KCNH4: variants seen among roughly 807,000 people sequenced by gnomAD.
KCNH4 encodes the protein voltage-gated delayed rectifier potassium channel KCNH4.
Under a neutral mutation model 90.7 loss-of-function variants are expected in KCNH4, and 33 were observed. That is an observed-to-expected ratio of 0.36 (90% CI 0.28 to 0.49). The LOEUF (loss-of-function observed/expected upper bound fraction) is 0.49. Among genes scored for constraint, KCNH4 ranks in the 20% least tolerant of loss-of-function variants. The probability of loss-of-function intolerance (pLI) is 0.98; values close to 1 mark genes in which losing one functional copy is unlikely to be tolerated. For synonymous variants in KCNH4, 551 were observed against 581.7 expected, an observed-to-expected ratio of 0.95 and a Z score of 0.76; for missense variants, 1,044 against 1,387.1, an observed-to-expected ratio of 0.75 and a Z score of 3.93.
chr17:42,163,999 C>T lies in KCNH4; in HGVS notation c.2125-41G>A. ...GCAGCTGATGTCGCAGGACAGTGAACAACAGACCCCTTCATTAAGTAAGAG... is the reference window on the plus strand; with the variant it reads ...GCAGCTGATGTCGCAGGACAGTGAATAACAGACCCCTTCATTAAGTAAGAG... On this transcript the variant is annotated intron_variant, in intron 12 of 16. Transcript: ENST00000264661. This position sits in a 1 kb window ranked among gnomAD's most constrained non-coding sequence, Gnocchi z 5.4. 1.3e-6 allele frequency: 2 copies of T among 1,502,068 alleles called. No homozygotes were observed. Among genetic ancestry groups the T allele is most frequent in the Non-Finnish European group, 1.8e-6 (2 of 1,118,378 alleles). The allele number at this position is 1,502,068 out of a possible 1,614,324, so 93.0% of individuals were successfully genotyped here.
chr17:42,163,746 G>A lies in KCNH4; in HGVS notation c.2337C>T (p.Ser779=), dbSNP rs757979156. 2 of 1,558,712 alleles carry A rather than the reference G, an allele frequency of 1.3e-6. No individual in the cohort carries two copies. The highest frequency in any genetic ancestry group is 1.4e-5 in the African/African-American group (1 of 72,986). ...FSALVSSPSL[S]PSLSPALAGQ... is the part of the protein sequence containing the mutation. ...CAGCCAGGGCAGGGGACAGGGATGG[G>A]GATAAGGAAGGAGAGGAGACAAGGG... The change falls in exon 13 of 17, where the codon TCC becomes TCT. Residue 779 remains serine (S), a synonymous_variant. Coordinates refer to ENST00000264661, the MANE Select transcript of KCNH4 (RefSeq NM_012285.3). The surrounding 1 kb of genome is among the most constrained non-coding windows in gnomAD (Gnocchi z 5.4).
At position 42,180,858 on chromosome 17, in the gene KCNH4, C is replaced by T; in HGVS notation, c.76+12G>A. On this transcript the variant is annotated intron_variant, in intron 1 of 16. Coordinates refer to ENST00000264661, the MANE Select transcript of KCNH4 (RefSeq NM_012285.3). This position sits in a 1 kb window ranked among gnomAD's most constrained non-coding sequence, Gnocchi z 4.7. Reference sequence around the variant, plus strand: ...AGCTCGAACCTCAAGCCCCGACCTCCGTCCCACTCACGCGTTCCGTCAAAA... The same window carrying T: ...AGCTCGAACCTCAAGCCCCGACCTCTGTCCCACTCACGCGTTCCGTCAAAA... 1 of 1,613,672 alleles carries T rather than the reference C, an allele frequency of 6.2e-7. No individual in the cohort carries two copies. Among genetic ancestry groups the T allele is most frequent in the Non-Finnish European group, 8.5e-7 (1 of 1,179,674 alleles).
At chr17:42,158,651 T>G (rs1276109518) in intron 16 of KCNH4, among the ~76,000 whole-genome samples, 1 of 150,370 alleles carries the variant, frequency 6.7e-6, no homozygotes, top group Non-Finnish European at 1.5e-5. Flanking sequence ...CTGGCTAACA[T>G]GGTGAAACCC....
At chr17:42,174,119 G>A (rs915354688) in intron 6 of KCNH4, among the ~76,000 whole-genome samples, 4 of 152,040 alleles carry the variant, frequency 2.6e-5, no homozygotes, top group Non-Finnish European at 4.4e-5. Context: ...CAGCACACCC[G>A]GCTAATTTTT....
In KCNH4 at chr17:42,162,310, T is replaced by C. The variant is rs755106535; in HGVS notation, c.2596A>G (p.Ser866Gly). Residue 866 changes from serine (S) to glycine (G), a missense_variant, in exon 15 of 17, where the codon AGC becomes GGC. Ser to Gly is a moderately conservative substitution (Grantham distance 56). Around this residue, in one of 4 missense-constraint regions of KCNH4, gnomAD observed 441 missense variants for 512.3 expected, o/e 0.86. Coordinates refer to ENST00000264661, the MANE Select transcript of KCNH4 (RefSeq NM_012285.3). ...TCAGCCTCACTGGCCAATTCTGGGC[T>C]GGGCCTGGTCCCTGCAGGGTGAAGG... is the stretch of plus-strand genomic sequence containing the variant. ...SQAPPTGTRP[S>G]PELASEAEEV... 9.3e-6 allele frequency: 15 copies of C among 1,613,948 alleles called. No individual in the cohort carries two copies. The highest frequency in any genetic ancestry group is 1.3e-5 in the Non-Finnish European group (15 of 1,179,908).
rs1294168018 is a variant in KCNH4 at position 42,165,766 on chromosome 17, G to A, written c.1841-73C>T. 4.5e-6 allele frequency: 7 copies of A among 1,562,330 alleles called. No individual in the cohort carries two copies. The Admixed American group carries it at 1.0e-4, about 23-fold the overall frequency. ...GGATATCAGCTGGAGGTGCTCAGTG[G>A]ATTTGAGGGGTGGTCAGTGTGTTTG... On this transcript the variant is annotated intron_variant, in intron 10 of 16. Coordinates refer to ENST00000264661, the MANE Select transcript of KCNH4 (RefSeq NM_012285.3).
chr17:42,161,241 T>C (rs2079746574), intron 15 of KCNH4, among the ~76,000 whole-genome samples: 5 of 152,216 alleles, frequency 3.3e-5, no homozygotes, highest in Admixed American at 2.6e-4. Context: ...CAGGTAGTTC[T>C]GACAGATACT....
intron 11 of KCNH4, 43 bp from the exon 12 acceptor site, chr17:42,164,211 G>T (rs763388522): frequency 7.3e-6 from 11 of 1,506,094 alleles, no homozygotes; most frequent in South Asian, 1.3e-5. Context: ...CTGCCTTCCC[G>T]CGGCCATAGC....
chr17:42,163,388 C>A lies in KCNH4; in HGVS notation c.2478-54G>T. On this transcript the variant is annotated intron_variant, in intron 13 of 16. Coordinates refer to ENST00000264661, the MANE Select transcript of KCNH4 (RefSeq NM_012285.3). The surrounding 1 kb of genome is among the most constrained non-coding windows in gnomAD (Gnocchi z 5.4). ...CATGGGGTGAGGGTAAGGGCCAGAG[C>A]AGAGCAGACAGAGGGGGACTGGGGG... 2 of 1,286,972 alleles carry A rather than the reference C, an allele frequency of 1.6e-6. No individual in the cohort carries two copies. Among genetic ancestry groups the A allele is most frequent in the Non-Finnish European group, 2.2e-6 (2 of 893,882 alleles). 79.7% of individuals were successfully genotyped at this position (1,286,972 alleles called of 1,614,324 possible).
intron 14 of KCNH4, among the ~76,000 whole-genome samples, chr17:42,162,909 C>T (rs2079758891): frequency 6.6e-6 from 1 of 152,080 alleles, no homozygotes. Context: ...CTGTTTTGCT[C>T]CACTCTTCAA....
intron 6 of KCNH4, among the ~76,000 whole-genome samples, chr17:42,174,471 C>A (rs1367069644): frequency 6.6e-6 from 1 of 152,136 alleles, no homozygotes; most frequent in Admixed American, 6.5e-5. Context: ...GGGAGATCTG[C>A]TCAGAATGGT....
chr17:42,173,968 C>T (rs2079845372), intron 6 of KCNH4, among the ~76,000 whole-genome samples: 1 of 151,822 alleles, frequency 6.6e-6, no homozygotes, highest in Admixed American at 6.6e-5. Context: ...TCCCAAAGTG[C>T]TGGGATTACA....
intron 16 of KCNH4, among the ~76,000 whole-genome samples, chr17:42,159,197 T>C (rs2079728584): frequency 6.6e-6 from 1 of 151,992 alleles, no homozygotes; most frequent in Non-Finnish European, 1.5e-5. Context: ...CCGGCTAATT[T>C]TGTATTTTTA....
At position 42,178,802 on chromosome 17, in the gene KCNH4, G is replaced by A. The variant is rs1018292209; in HGVS notation, c.301C>T (p.Arg101Cys). 2.5e-6 allele frequency: 4 copies of A among 1,612,808 alleles called. No homozygotes were observed. Among genetic ancestry groups the A allele is most frequent in the Non-Finnish European group, 3.4e-6 (4 of 1,179,586 alleles). The change falls in exon 2 of 17, where the codon CGC (arginine) becomes TGC (cysteine). Residue 101 changes from arginine (R) to cysteine (C), a missense_variant. Around this residue, in one of 4 missense-constraint regions of KCNH4, gnomAD observed 283 missense variants for 378.6 expected, o/e 0.75. Transcript: ENST00000264661. ...QEHRAEICFY[R>C]KDGSAFWCLL... ...GGGTGAGCCCCCTCACCATCCTTGC[G>A]GTAGAAGCAGATTTCAGCCCGGTGC... is the stretch of plus-strand genomic sequence containing the variant.
Position 42,176,277 on chromosome 17 carries a change from T to A in KCNH4, c.606A>T (p.Pro202=). 1.2e-6 allele frequency: 2 copies of A among 1,606,026 alleles called. No homozygotes were observed. Among genetic ancestry groups the A allele is most frequent in the Non-Finnish European group, 1.7e-6 (2 of 1,176,988 alleles). The change falls in exon 5 of 17, where the codon CCA becomes CCT. Residue 202 remains proline (P), a synonymous_variant. Transcript: ENST00000264661. ...KANNNVFEPK[P]SVPEYKVASV... is the part of the protein sequence containing the mutation. ...AGGCCACCTTGTACTCGGGCACTGA[T>A]GGCTTTGGCTCAAACACGTTCTAAG...
intron 9 of KCNH4, among the ~76,000 whole-genome samples, chr17:42,168,664 G>A (rs1446708242): frequency 6.6e-6 from 1 of 152,074 alleles, no homozygotes; most frequent in Non-Finnish European, 1.5e-5. Context: ...AAAAAGAAAA[G>A]AAGCAAGAAT....
chr17:42,178,291 C>T lies in KCNH4; in HGVS notation c.457+40G>A, dbSNP rs1265473704. 1.9e-6 allele frequency: 3 copies of T among 1,614,094 alleles called. No individual in the cohort carries two copies. The African/African-American group carries it at 4.0e-5, about 22-fold the overall frequency. On this transcript the variant is annotated intron_variant, in intron 3 of 16. Transcript: ENST00000264661. ...TCCCTTGCGGCTGGTTAGGCGAAGG[C>T]TTCTGACCATTCACACTGCCCGTCC...
intron 9 of KCNH4, among the ~76,000 whole-genome samples, chr17:42,168,636 T>A (rs982907050): frequency 6.6e-6 from 1 of 152,026 alleles, no homozygotes; most frequent in Non-Finnish European, 1.5e-5. Flanking sequence ...AGAGCAAGAC[T>A]CCTTCTTGAA....
Position 42,170,152 on chromosome 17 carries a change from T to C in KCNH4, c.1345A>G (p.Thr449Ala), listed in dbSNP as rs2079817055. 6.2e-7 allele frequency: 1 copy of C among 1,613,410 alleles called. No homozygotes were observed. Among genetic ancestry groups the C allele is most frequent in the Non-Finnish European group, 8.5e-7 (1 of 1,179,830 alleles). ...SVGFGNVCAN[T>A]DAEKIFSICT... is the part of the protein sequence containing the mutation. The stretch of plus-strand genomic sequence containing the variant: ...ATGGAGAAGATCTTCTCCGCGTCGG[T>C]GTTGGCACACACGTTGCCAAAGCCC... Residue 449 changes from threonine (T) to alanine (A), a missense_variant, in exon 8 of 17, where the codon ACC becomes GCC. By Grantham distance (58) the Thr-to-Ala change is moderately conservative. Coordinates refer to ENST00000264661, the MANE Select transcript of KCNH4 (RefSeq NM_012285.3).
Sources: allele counts gnomAD v4.1 joint callset (sites outside exome capture counted in the v4.1 genomes callset), GRCh38; gene constraint gnomAD v4.1.1; regional missense constraint gnomAD v4.1.1; non-coding constraint Gnocchi (gnomAD v3.1); transcripts MANE v1.5; gene names NCBI Gene and HGNC (gene_info 2026-07-23, HGNC 2026-07-21).